GAB2: variants seen among roughly 807,000 people sequenced by gnomAD.
The protein encoded by GAB2 is GRB2-associated-binding protein 2.
In GAB2, 26 loss-of-function variants were observed where a neutral mutation model predicts 65.5. The ratio of observed to expected loss-of-function variants is 0.40; its 90% CI spans 0.29 to 0.55. The LOEUF (loss-of-function observed/expected upper bound fraction) is 0.55. GAB2 is among the 20% of genes least tolerant of loss of function. The probability of loss-of-function intolerance (pLI) is 0.53; values close to 1 mark genes in which losing one functional copy is unlikely to be tolerated. For missense variants in GAB2, 884 were observed against 875.8 expected, an observed-to-expected ratio of 1.01 and a Z score of -0.12; for synonymous variants, 321 against 329.6, an observed-to-expected ratio of 0.97 and a Z score of 0.28.
At chr11:78,417,374 T>C (rs1040177616) in intron 1 of GAB2, among the ~76,000 whole-genome samples, 1 of 151,950 alleles carries the variant, frequency 6.6e-6, no homozygotes, top group Non-Finnish European at 1.5e-5. Flanking sequence ...CTGTATTTAG[T>C]TCACGAGCAG....
chr11:78,298,009 A>G (rs995118079), intron 1 of GAB2, among the ~76,000 whole-genome samples: 1 of 152,176 alleles, frequency 6.6e-6, no homozygotes, highest in Admixed American at 6.5e-5. Context: ...ACATAATTCT[A>G]TATTTTTAAG....
Position 78,250,371 on chromosome 11 carries a change from G to A in GAB2, c.406C>T (p.His136Tyr), listed in dbSNP as rs1865419080. The A allele has an allele frequency of 6.2e-7, 1 of 1,613,198 alleles. No homozygotes were observed. The highest frequency in any genetic ancestry group is 1.3e-5 in the African/African-American group (1 of 74,946). The part of the protein sequence containing the change: ...DSLRNVSSAG[H>Y]GPRSSPAELS... ...TCAGCTGGAGAAGAGCGGGGGCCAT[G>A]ACCGGCTGAGGAAACATTTCTCAGG... Residue 136 changes from histidine (H) to tyrosine (Y), a missense_variant, in exon 3 of 10, where the codon CAT becomes TAT. His to Tyr is a moderately conservative substitution (Grantham distance 83). Transcript: ENST00000361507.
In GAB2 at chr11:78,363,583, T is replaced by A. The variant is rs899406365; in HGVS notation, c.75+54063A>T. 7.3e-3 allele frequency among the ~76,000 whole-genome samples: 1,099 copies of A among 150,588 alleles called. 13 individuals carry two copies. Among genetic ancestry groups the A allele is most frequent in the African/African-American group, 0.026 (1,042 of 40,164 alleles). ...TAGTAAAAGATAAATAGAAATATAT[T>A]TTCTTTTTTTTTTTTTTTTGAGACA... On this transcript the variant is annotated intron_variant, in intron 1 of 9. Coordinates refer to ENST00000361507, the MANE Select transcript of GAB2 (RefSeq NM_080491.3).
intron 1 of GAB2, among the ~76,000 whole-genome samples, chr11:78,306,493 A>G (rs909894850): frequency 7.2e-5 from 11 of 152,184 alleles, no homozygotes; most frequent in Non-Finnish European, 1.6e-4. Context: ...TGGCCTCCCA[A>G]AGTGCTGGGA....
intron 1 of GAB2, among the ~76,000 whole-genome samples, chr11:78,313,890 C>A (rs1209957409): frequency 6.6e-6 from 1 of 152,180 alleles, no homozygotes; most frequent in South Asian, 2.1e-4. Flanking sequence ...CCTCAGTGAT[C>A]CTACCAACTT....
intron 1 of GAB2, among the ~76,000 whole-genome samples, chr11:78,382,143 T>C (rs1394085900): frequency 2.0e-5 from 3 of 152,190 alleles, no homozygotes; most frequent in African/African-American, 4.8e-5. Context: ...TCTCTGAATA[T>C]TCCCAATCAA....
At chr11:78,317,072 A>G (rs1212481074) in intron 1 of GAB2, among the ~76,000 whole-genome samples, 2 of 152,248 alleles carry the variant, frequency 1.3e-5, no homozygotes, top group Non-Finnish European at 2.9e-5. Context: ...ACAAAGTTAC[A>G]TGGCAAGCCT....
chr11:78,221,535 G>T, intron 8 of GAB2, 142 bp downstream of exon 8: 1 of 479,276 alleles, frequency 2.1e-6, no homozygotes, highest in Non-Finnish European at 3.9e-6. Context: ...CTCAAGAAGG[G>T]TTTGTAGCAG....
chr11:78,296,960 C>T (rs894627241), intron 1 of GAB2, among the ~76,000 whole-genome samples: 10 of 152,316 alleles, frequency 6.6e-5, no homozygotes, highest in South Asian at 2.1e-4. Flanking sequence ...ATCCCCTTCA[C>T]GAGGGCTCTG....
intron 1 of GAB2, among the ~76,000 whole-genome samples, chr11:78,327,038 T>C (rs1404086257): frequency 2.6e-5 from 4 of 152,224 alleles, no homozygotes; most frequent in East Asian, 1.9e-4. Context: ...TAAGCCACCA[T>C]TCTTTGTCTA....
intron 2 of GAB2, among the ~76,000 whole-genome samples, chr11:78,269,432 G>A (rs1217160359): frequency 6.6e-6 from 1 of 152,122 alleles, no homozygotes; most frequent in Non-Finnish European, 1.5e-5. Context: ...TTTCATGGTG[G>A]GGGAAGGACC....
At chr11:78,329,016 T>G (rs7106295) in intron 1 of GAB2, among the ~76,000 whole-genome samples, 6,824 of 152,174 alleles carry the variant, frequency 0.045, 471 homozygotes, top group African/African-American at 0.16. Context: ...TGTCTGCAAT[T>G]TACTTTAAAT....
At position 78,226,906 on chromosome 11, in the gene GAB2, G is replaced by A. The variant is rs919528132; in HGVS notation, c.766C>T (p.Arg256Trp). 7 of 1,613,918 alleles carry A rather than the reference G, an allele frequency of 4.3e-6. No individual in the cohort carries two copies. The highest frequency in any genetic ancestry group is 2.7e-5 in the African/African-American group (2 of 74,874). ...CTGTCTCTGAATTCTGTATTGTGCC[G>A]GCTCGGCTTGGGAAGGCTATAGAAG... Reference protein sequence around the residue: ...HGFYSLPKPSRHNTEFRDSTY... With the variant: ...HGFYSLPKPSWHNTEFRDSTY... Residue 256 changes from arginine to tryptophan, a missense_variant, in exon 4 of 10, where the codon CGG (arginine) becomes TGG (tryptophan). Transcript: ENST00000361507.
chr11:78,359,669 C>T, intron 1 of GAB2, among the ~76,000 whole-genome samples: 1 of 152,078 alleles, frequency 6.6e-6, no homozygotes, highest in African/African-American at 2.4e-5. Flanking sequence ...CTGAACACTT[C>T]CAGTGTAAAA....
At chr11:78,387,625 C>G (rs970558139) in intron 1 of GAB2, among the ~76,000 whole-genome samples, 2 of 152,142 alleles carry the variant, frequency 1.3e-5, no homozygotes, top group Non-Finnish European at 2.9e-5. Flanking sequence ...TCAGACTGTA[C>G]AGAGTTAGCA....
chr11:78,386,369 G>A (rs1856766569), intron 1 of GAB2, among the ~76,000 whole-genome samples: 1 of 152,230 alleles, frequency 6.6e-6, no homozygotes, highest in African/African-American at 2.4e-5. Context: ...GACCCTGCAA[G>A]CACTTGATAT....
intron 1 of GAB2, among the ~76,000 whole-genome samples, chr11:78,303,513 AAAT>A (rs747592336): frequency 1.3e-5 from 2 of 152,136 alleles, no homozygotes; most frequent in Non-Finnish European, 2.9e-5. Context: ...TCCTATGTTT[AAAT>A]AATATCATTT....
At chr11:78,269,324 C>T (rs778735150) in intron 2 of GAB2, among the ~76,000 whole-genome samples, 7 of 152,088 alleles carry the variant, frequency 4.6e-5, no homozygotes, top group Non-Finnish European at 8.8e-5. Context: ...CCCAAAAGGT[C>T]AGGGAGGGAA....
intron 1 of GAB2, among the ~76,000 whole-genome samples, chr11:78,337,364 T>C (rs1269436145): frequency 1.3e-5 from 2 of 152,154 alleles, no homozygotes; most frequent in African/African-American, 4.8e-5. Flanking sequence ...TTTGCTGTAG[T>C]CTCAGAAATG....
Sources: gnomAD v4.1 joint callset for allele counts (sites outside exome capture counted in the v4.1 genomes callset) on GRCh38, gnomAD v4.1.1 for gene constraint, MANE v1.5 for transcripts, NCBI Gene and HGNC (gene_info 2026-07-23, HGNC 2026-07-21) for gene names.